CERS6: variants seen among roughly 807,000 people sequenced by gnomAD.
The protein encoded by CERS6 is LAG1 homolog, ceramide synthase 6.
CERS6 carries 26 observed loss-of-function variants against 56.8 expected under a neutral mutation model. That is an observed-to-expected ratio of 0.46 (90% confidence interval 0.34 to 0.63). The LOEUF (loss-of-function observed/expected upper bound fraction) is 0.63. CERS6 is among the 30% of genes least tolerant of loss of function. The pLI is 0.01. For missense variants in CERS6, 415 were observed against 467.5 expected (o/e 0.89, Z 1.04); for synonymous variants, 164 against 173.3 (o/e 0.95, Z 0.42).
At chr2:168,607,340 T>C (rs1289773933) in intron 3 of CERS6, among the ~76,000 whole-genome samples, 1 of 152,164 alleles carries the variant, frequency 6.6e-6, no homozygotes, top group Non-Finnish European at 1.5e-5. Flanking sequence ...AAAAACTCTT[T>C]TAAGTTACTC....
At chr2:168,697,608 T>G (rs62174422) in intron 6 of CERS6, among the ~76,000 whole-genome samples, 5,020 of 151,504 alleles carry the variant, frequency 0.033, 118 homozygotes, top group East Asian at 0.14. Flanking sequence ...TTTATGTAAG[T>G]TTCTCAAGGC....
At chr2:168,474,867 G>A (rs1694041501) in intron 1 of CERS6, among the ~76,000 whole-genome samples, 1 of 152,136 alleles carries the variant, frequency 6.6e-6, no homozygotes. Context: ...CCTTGAACAA[G>A]AAATCAGTAA....
At chr2:168,498,162 C>T (rs2105343137) in intron 1 of CERS6, among the ~76,000 whole-genome samples, 1 of 152,236 alleles carries the variant, frequency 6.6e-6, no homozygotes, top group East Asian at 1.9e-4. Flanking sequence ...AAAGTGTTTG[C>T]CAACATTTAA....
At chr2:168,707,150 T>A (rs1396852623) in intron 6 of CERS6, among the ~76,000 whole-genome samples, 1 of 152,242 alleles carries the variant, frequency 6.6e-6, no homozygotes. Flanking sequence ...AACATTTTGA[T>A]AGTAACCACA....
intron 1 of CERS6, among the ~76,000 whole-genome samples, chr2:168,531,234 A>G (rs1460666890): frequency 6.6e-6 from 1 of 152,236 alleles, no homozygotes; most frequent in Non-Finnish European, 1.5e-5. Context: ...ACATTTCAGC[A>G]AGAAGGAATG....
intron 3 of CERS6, among the ~76,000 whole-genome samples, chr2:168,563,880 G>T (rs1351846675): frequency 6.6e-6 from 1 of 151,894 alleles, no homozygotes; most frequent in African/African-American, 2.4e-5. Context: ...TCAACTGTAG[G>T]TTGGGGTGCA....
chr2:168,755,834 A>G (rs1378226868), intron 8 of CERS6, among the ~76,000 whole-genome samples: 1 of 152,220 alleles, frequency 6.6e-6, no homozygotes, highest in Non-Finnish European at 1.5e-5. Context: ...AAGATTTTCT[A>G]CTTTAACTGA....
chr2:168,570,667 A>G (rs1695969379), intron 3 of CERS6, among the ~76,000 whole-genome samples: 1 of 152,146 alleles, frequency 6.6e-6, no homozygotes, highest in African/African-American at 2.4e-5. Flanking sequence ...GAGAAGTACA[A>G]GAGGCAACTG....
chr2:168,481,158 G>C (rs1694170314), intron 1 of CERS6, among the ~76,000 whole-genome samples: 2 of 152,206 alleles, frequency 1.3e-5, no homozygotes, highest in African/African-American at 4.8e-5. Context: ...GCTCACGCCT[G>C]TAATCCCAAC....
chr2:168,631,408 T>C (rs1684713541), intron 4 of CERS6, among the ~76,000 whole-genome samples: 1 of 134,822 alleles, frequency 7.4e-6, no homozygotes, highest in Admixed American at 8.7e-5. Flanking sequence ...ATATATATTA[T>C]ATAATATTAT....
chr2:168,758,665 T>G (rs1684480879), intron 8 of CERS6, among the ~76,000 whole-genome samples: 1 of 152,218 alleles, frequency 6.6e-6, no homozygotes, highest in Non-Finnish European at 1.5e-5. Context: ...GTATTTAAGA[T>G]GTACAGGTCT....
chr2:168,477,117 C>CT (rs78491165), intron 1 of CERS6, among the ~76,000 whole-genome samples: 3,144 of 145,666 alleles, frequency 0.022, 107 homozygotes, highest in African/African-American at 0.076. Context: ...GGCTCTTTGT[C>CT]TTTTTTTTTG....
At chr2:168,500,929 G>C (rs954343763) in intron 1 of CERS6, among the ~76,000 whole-genome samples, 1 of 152,190 alleles carries the variant, frequency 6.6e-6, no homozygotes, top group African/African-American at 2.4e-5. Flanking sequence ...AGCATATATA[G>C]AATTCCTTTA....
chr2:168,749,532 G>A (rs749936223), intron 8 of CERS6, among the ~76,000 whole-genome samples: 17 of 152,178 alleles, frequency 1.1e-4, no homozygotes, highest in Admixed American at 1.1e-3. Context: ...GAGCAGATGG[G>A]GGAAGTAGAG....
intron 4 of CERS6, among the ~76,000 whole-genome samples, chr2:168,686,221 T>C (rs1490387973): frequency 6.6e-6 from 1 of 150,686 alleles, no homozygotes; most frequent in African/African-American, 2.4e-5. Flanking sequence ...GGTCTTCACT[T>C]GGTCTTCCCT....
chr2:168,689,159 A>G (rs1686432543), intron 4 of CERS6, among the ~76,000 whole-genome samples: 1 of 152,176 alleles, frequency 6.6e-6, no homozygotes, highest in South Asian at 2.1e-4. Context: ...TTTCATTAAC[A>G]TTCAGTAGAT....
In CERS6 at chr2:168,711,579, C is replaced by T. The variant is rs1574181683; in HGVS notation, c.610-3422C>T. On this transcript the variant is annotated intron_variant, in intron 6 of 9. Coordinates refer to ENST00000305747, the MANE Select transcript of CERS6 (RefSeq NM_203463.3). Reference sequence around the variant, plus strand: ...TGAAACCCCGTCTCAACCGAAAATACAAAAATTAGCTGGGCGTGGTGGCTC... The same window carrying T: ...TGAAACCCCGTCTCAACCGAAAATATAAAAATTAGCTGGGCGTGGTGGCTC... 2.0e-5 allele frequency among the ~76,000 whole-genome samples: 3 copies of T among 151,896 alleles called. No individual in the cohort carries two copies. In the East Asian group the frequency reaches 5.8e-4, roughly 29 times the overall value.
chr2:168,670,641 A>G (rs1685883902), intron 4 of CERS6, among the ~76,000 whole-genome samples: 1 of 152,206 alleles, frequency 6.6e-6, no homozygotes, highest in African/African-American at 2.4e-5. Flanking sequence ...AGTGAAAGTT[A>G]CAATGATAGT....
At chr2:168,559,563 C>G (rs574343378) in intron 2 of CERS6, among the ~76,000 whole-genome samples, 6 of 151,454 alleles carry the variant, frequency 4.0e-5, no homozygotes, top group Admixed American at 1.3e-4. Context: ...CTAATAACTT[C>G]TAATCTAATC....
Sources: allele counts gnomAD v4.1 joint callset (sites outside exome capture counted in the v4.1 genomes callset), GRCh38; gene constraint gnomAD v4.1.1; transcripts MANE v1.5; gene names NCBI Gene and HGNC (gene_info 2026-07-23, HGNC 2026-07-21).